MAP3K7: variants seen among roughly 807,000 people sequenced by gnomAD.
MAP3K7 encodes the protein mitogen-activated protein kinase kinase kinase 7, also known as TGF-beta activated kinase 1.
In MAP3K7, 21 loss-of-function variants were observed where a neutral mutation model predicts 84.8. The ratio of observed to expected loss-of-function variants is 0.25; its 90% confidence interval spans 0.18 to 0.36. MAP3K7 has a LOEUF of 0.36. Ranked by LOEUF, MAP3K7 falls within the 10% of genes least tolerant of loss-of-function variation. The pLI is 1.00. For missense variants in MAP3K7, 503 were observed against 747.7 expected, an observed-to-expected ratio of 0.67 and a Z score of 3.82; for synonymous variants, 241 against 247.7, an observed-to-expected ratio of 0.97 and a Z score of 0.25.
chr6:90,572,004 G>A (rs1161060852), intron 1 of MAP3K7, among the ~76,000 whole-genome samples, 197 bp from the exon 2 acceptor site: 1 of 151,292 alleles, frequency 6.6e-6, no homozygotes, highest in Non-Finnish European at 1.5e-5. Flanking sequence ...ATAATTAAAT[G>A]CATGCTTGTC....
At chr6:90,551,269 C>T (rs1776170622) in intron 8 of MAP3K7, 1 of 152,034 alleles carries the variant, frequency 6.6e-6, no homozygotes, top group South Asian at 2.1e-4. Context: ...GAATAAACAA[C>T]GTTTTACCAT....
intron 1 of MAP3K7, among the ~76,000 whole-genome samples, chr6:90,572,784 C>T (rs2127985427): frequency 6.6e-6 from 1 of 152,112 alleles, no homozygotes; most frequent in Admixed American, 6.5e-5. Flanking sequence ...GTTCATTGCT[C>T]TCTCATGGAG....
At chr6:90,536,187 C>A (rs1240042198) in intron 13 of MAP3K7, 150 bp downstream of exon 13, 11 of 539,046 alleles carry the variant, frequency 2.0e-5, no homozygotes, top group African/African-American at 1.9e-4. Flanking sequence ...ATGTTTTTTT[C>A]CCCCCTAAGT....
At chr6:90,575,882 C>T (rs758786996) in intron 1 of MAP3K7, among the ~76,000 whole-genome samples, 4 of 152,076 alleles carry the variant, frequency 2.6e-5, no homozygotes, top group Non-Finnish European at 4.4e-5. Flanking sequence ...CATCCAGCTA[C>T]TGTTTGGGAC....
chr6:90,553,611 A>G (rs558969045), intron 6 of MAP3K7, 25 bp from the exon 7 acceptor site: 44 of 1,587,580 alleles, frequency 2.8e-5, no homozygotes, highest in Non-Finnish European at 3.5e-5. Flanking sequence ...GGTAGTATAT[A>G]ACCTAAAGAC....
At chr6:90,536,263 C>T in intron 13 of MAP3K7, 74 bp downstream of exon 13, 1 of 1,204,468 alleles carries the variant, frequency 8.3e-7, no homozygotes, top group Non-Finnish European at 1.2e-6. Flanking sequence ...ACTAATTTTG[C>T]AGAGTAGAAT....
chr6:90,565,677 G>T (rs940768003), intron 3 of MAP3K7, among the ~76,000 whole-genome samples: 1 of 151,952 alleles, frequency 6.6e-6, no homozygotes, highest in Non-Finnish European at 1.5e-5. Context: ...TATTCCAATC[G>T]ATAGAAAAAG....
chr6:90,565,855 C>G (rs1360218965), intron 3 of MAP3K7, among the ~76,000 whole-genome samples: 1 of 152,178 alleles, frequency 6.6e-6, no homozygotes, highest in Non-Finnish European at 1.5e-5. Flanking sequence ...CATCAAAAAG[C>G]TTATCCACCA....
intron 12 of MAP3K7, chr6:90,537,304 A>G (rs1458334415): frequency 6.6e-6 from 1 of 152,026 alleles, no homozygotes; most frequent in Non-Finnish European, 1.5e-5. Flanking sequence ...TTTCTCAACT[A>G]GTGGGCAACA....
chr6:90,583,423 C>A (rs980117930), intron 1 of MAP3K7, among the ~76,000 whole-genome samples: 1 of 152,172 alleles, frequency 6.6e-6, no homozygotes. Context: ...CTTAGGCATG[C>A]GGCTTCTGGC....
Position 90,519,248 on chromosome 6 carries a change from A to C in MAP3K7, c.1524+10T>G. The C allele has an allele frequency of 6.3e-7, 1 of 1,575,490 alleles. No homozygotes were observed. The highest frequency in any genetic ancestry group is 8.7e-7 in the Non-Finnish European group (1 of 1,154,490). On this transcript the variant is annotated intron_variant, in intron 15 of 16. Transcript: ENST00000369329. ...AAAAGTCAACTTTCAATAAGAAAGT[A>C]CTCCTTTACCTGTAGTTGGTGATCC...
At chr6:90,579,807 C>T (rs1299271416) in intron 1 of MAP3K7, among the ~76,000 whole-genome samples, 2 of 152,156 alleles carry the variant, frequency 1.3e-5, no homozygotes, top group African/African-American at 2.4e-5. Flanking sequence ...CGACTTCATA[C>T]ATACACACTG....
intron 5 of MAP3K7, among the ~76,000 whole-genome samples, chr6:90,557,017 C>T (rs969409280): frequency 9.3e-5 from 14 of 151,058 alleles, no homozygotes; most frequent in Admixed American, 2.0e-4. Context: ...AAAATAGTAA[C>T]ACTATATAAA....
At chr6:90,561,476 T>C in intron 4 of MAP3K7, 146 bp downstream of exon 4, 1 of 533,620 alleles carries the variant, frequency 1.9e-6, no homozygotes, top group South Asian at 3.7e-5. Flanking sequence ...ATCTTTCCAT[T>C]TTTATTCTTA....
chr6:90,566,073 A>C (rs2127981983), intron 3 of MAP3K7, among the ~76,000 whole-genome samples: 1 of 152,344 alleles, frequency 6.6e-6, no homozygotes, highest in East Asian at 1.9e-4. Context: ...TCAAAATAAT[A>C]AGAGCTATTT....
chr6:90,556,401 CAG>C, intron 6 of MAP3K7, 97 bp downstream of exon 6: 1 of 1,270,524 alleles, frequency 7.9e-7, no homozygotes, highest in African/African-American at 1.5e-5. Flanking sequence ...ATGTATTATG[CAG>C]AAATAAAACC....
intron 8 of MAP3K7, chr6:90,551,751 C>T: frequency 4.4e-6 from 1 of 226,220 alleles, no homozygotes; most frequent in Admixed American, 5.1e-5. Flanking sequence ...CAGTTTCTCC[C>T]ACATTACAAA....
chr6:90,542,912 G>C (rs112565860), intron 12 of MAP3K7, among the ~76,000 whole-genome samples: 6,833 of 151,996 alleles, frequency 0.045, 252 homozygotes, highest in Non-Finnish European at 0.07. Flanking sequence ...GATGCCAGTA[G>C]TACCTGACAG....
intron 2 of MAP3K7, among the ~76,000 whole-genome samples, chr6:90,570,099 T>C (rs572749433): frequency 5.3e-5 from 8 of 152,332 alleles, no homozygotes; most frequent in Admixed American, 2.6e-4. Context: ...GAGATTCAGA[T>C]AGCAGATTAT....
Sources: allele counts gnomAD v4.1 joint callset (sites outside exome capture counted in the v4.1 genomes callset), GRCh38; gene constraint gnomAD v4.1.1; transcripts MANE v1.5; gene names NCBI Gene and HGNC (gene_info 2026-07-23, HGNC 2026-07-21).